The following ZMPSTE24 variants were observed in gnomAD, a reference collection of about 807,000 sequenced individuals.
ZMPSTE24 encodes zinc metallopeptidase STE24.
ZMPSTE24 carries 48 observed loss-of-function variants against 56.7 expected under a neutral mutation model. The ratio of observed to expected loss-of-function variants is 0.85; its 90% CI spans 0.67 to 1.08. The LOEUF is 1.08. Ranked by LOEUF, ZMPSTE24 falls within the 50% of genes least tolerant of loss-of-function variation. The pLI is 0.00. For missense variants in ZMPSTE24, 503 were observed against 548.7 expected (o/e 0.92, Z 0.83); for synonymous variants, 172 against 195.2 (o/e 0.88, Z 0.99).
chr1:40,286,061 G>C (rs762623453), intron 8 of ZMPSTE24, 32 bp downstream of exon 8: 1 of 1,567,244 alleles, frequency 6.4e-7, no homozygotes, highest in African/African-American at 1.4e-5. Flanking sequence ...TTTTTTTATG[G>C]CATGATAGTC....
chr1:40,284,906 T>C (rs1643770109), intron 7 of ZMPSTE24, among the ~76,000 whole-genome samples: 1 of 150,014 alleles, frequency 6.7e-6, no homozygotes, highest in Non-Finnish European at 1.5e-5. Flanking sequence ...CTAATCATTT[T>C]CCAATGTCAA....
intron 7 of ZMPSTE24, among the ~76,000 whole-genome samples, chr1:40,282,862 G>GAT (rs1366575166): frequency 6.6e-6 from 1 of 152,142 alleles, no homozygotes; most frequent in Non-Finnish European, 1.5e-5. Context: ...ATTGCCAGAT[G>GAT]TCCCCTAAAG....
chr1:40,281,606 C>A, intron 7 of ZMPSTE24, 79 bp downstream of exon 7: 1 of 1,436,878 alleles, frequency 7.0e-7, no homozygotes, highest in South Asian at 1.2e-5. Context: ...ACATCAATTT[C>A]TAGGCAGTGA....
intron 7 of ZMPSTE24, among the ~76,000 whole-genome samples, chr1:40,284,793 T>G (rs1643768277): frequency 6.6e-6 from 1 of 152,148 alleles, no homozygotes; most frequent in Non-Finnish European, 1.5e-5. Flanking sequence ...TGTATATACT[T>G]TCAGTCTACT....
In ZMPSTE24 at chr1:40,278,439, T is replaced by A. The variant is rs541192089; in HGVS notation, c.770-2904T>A. Among the ~76,000 whole-genome samples the A allele has an allele frequency of 3.8e-3, 569 of 150,488 alleles. 2 individuals carry two copies. The highest frequency in any genetic ancestry group is 5.5e-3 in the Non-Finnish European group (369 of 67,624). The stretch of plus-strand genomic sequence containing the variant: ...CGGGCGTGGTAGCGGGCGCCTGTAG[T>A]CCCAGCTACTCGGGAGGCTGAGGCA... On this transcript the variant is annotated intron_variant, in intron 6 of 9. Coordinates refer to ENST00000372759, the MANE Select transcript of ZMPSTE24 (RefSeq NM_005857.5).
chr1:40,278,822 A>G (rs570421663), intron 6 of ZMPSTE24, among the ~76,000 whole-genome samples: 1 of 152,248 alleles, frequency 6.6e-6, no homozygotes, highest in South Asian at 2.1e-4. Context: ...ATAAAAATCA[A>G]CCATAGTTCA....
Position 40,260,993 on chromosome 1 carries a change from A to G in ZMPSTE24, c.270+8A>G, listed in dbSNP as rs1557772521. Reference sequence around the variant, plus strand: ...TCAGAGACTGAAGGCACTGTGAGTAATTTACTTCTTGGAGAGACAGTCTGT... The same window carrying G: ...TCAGAGACTGAAGGCACTGTGAGTAGTTTACTTCTTGGAGAGACAGTCTGT... On this transcript the variant is annotated splice_region_variant and intron_variant, in intron 2 of 9. Coordinates refer to ENST00000372759, the MANE Select transcript of ZMPSTE24 (RefSeq NM_005857.5). 1 of 1,613,940 alleles carries G rather than the reference A, an allele frequency of 6.2e-7. No individual in the cohort carries two copies. Among genetic ancestry groups the G allele is most frequent in the African/African-American group, 1.3e-5 (1 of 74,914 alleles).
intron 9 of ZMPSTE24, 67 bp from the exon 10 acceptor site, chr1:40,292,378 C>G (rs964494095): frequency 3.4e-6 from 5 of 1,491,150 alleles, no homozygotes; most frequent in Admixed American, 1.7e-5. Context: ...ACAGTCTCAG[C>G]TCATGGAACC....
In ZMPSTE24 at chr1:40,281,418, C is replaced by T. The variant is rs1232186729; in HGVS notation, c.845C>T (p.Thr282Ile). Residue 282 changes from threonine to isoleucine, a missense_variant, in exon 7 of 10, where the codon ACT (threonine) becomes ATT (isoleucine). Physicochemically the swap from Thr to Ile is moderately conservative, Grantham distance 89. Transcript: ENST00000372759. ...FKNKRIVLFD[T>I]LLEEYSVLNK... The stretch of plus-strand genomic sequence containing the variant: ...AACAAGCGAATAGTTTTGTTTGACA[C>T]TCTACTAGAAGAGTACTCTGTACTA... The T allele has an allele frequency of 1.2e-6, 2 of 1,614,122 alleles. No homozygotes were observed. The highest frequency in any genetic ancestry group is 1.7e-6 in the Non-Finnish European group (2 of 1,180,004).
intron 6 of ZMPSTE24, among the ~76,000 whole-genome samples, chr1:40,280,030 A>C (rs978399649): frequency 6.6e-6 from 1 of 152,182 alleles, no homozygotes; most frequent in Non-Finnish European, 1.5e-5. Context: ...AAATAAGAGA[A>C]GACGACACTT....
chr1:40,267,957 C>T, intron 3 of ZMPSTE24, 85 bp downstream of exon 3: 1 of 1,232,932 alleles, frequency 8.1e-7, no homozygotes, highest in South Asian at 1.2e-5. Flanking sequence ...TTGGCTTCTG[C>T]CAATGTTAAG....
chr1:40,291,949 T>C (rs1643848395), intron 9 of ZMPSTE24, among the ~76,000 whole-genome samples: 1 of 151,406 alleles, frequency 6.6e-6, no homozygotes. Flanking sequence ...CAAGCAATTC[T>C]CCTGCCTCAG....
rs1643727492 is a variant in ZMPSTE24 at position 40,281,379 on chromosome 1, A to AT, written c.807dup (p.Gly270TrpfsTer12). On this transcript the variant is annotated frameshift_variant, in exon 7 of 10. Coordinates refer to ENST00000372759, the MANE Select transcript of ZMPSTE24 (RefSeq NM_005857.5). LOFTEE classifies it high-confidence loss of function. ...TCTTCCCACAGCAATGCTTATTTTT[A>AT]TGGCTTCTTCAAGAACAAGCGAATA... The AT allele has an allele frequency of 6.2e-7, 1 of 1,614,122 alleles. No individual in the cohort carries two copies. The highest frequency in any genetic ancestry group is 1.3e-5 in the African/African-American group (1 of 75,064).
intron 2 of ZMPSTE24, chr1:40,262,625 T>G (rs995450375): frequency 1.7e-5 from 3 of 180,946 alleles, no homozygotes; most frequent in African/African-American, 2.4e-5. Flanking sequence ...AAAAGAATTA[T>G]AGTAACTTTA....
intron 8 of ZMPSTE24, among the ~76,000 whole-genome samples, chr1:40,290,339 C>T (rs929666709): frequency 2.1e-4 from 31 of 149,702 alleles, no homozygotes; most frequent in Non-Finnish European, 2.5e-4. Context: ...GAGCCGAGAT[C>T]GTGCCACTGA....
At chr1:40,268,573 A>G (rs762153107) in intron 4 of ZMPSTE24, 38 bp downstream of exon 4, 2 of 1,353,166 alleles carry the variant, frequency 1.5e-6, no homozygotes, top group Middle Eastern at 1.8e-4. Context: ...TTTAAATGTG[A>G]AAAACTTCTG....
Position 40,292,809 on chromosome 1 carries a change from C to A in ZMPSTE24, c.*140C>A. The A allele has an allele frequency of 1.6e-6, 1 of 637,100 alleles. No individual in the cohort carries two copies. The highest frequency in any genetic ancestry group is 2.6e-6 in the Non-Finnish European group (1 of 378,294). The allele number at this position is 637,100 out of a possible 1,614,324, so 39.5% of individuals were successfully genotyped here. On this transcript the variant is annotated 3_prime_UTR_variant, in exon 10 of 10. Coordinates refer to ENST00000372759, the MANE Select transcript of ZMPSTE24 (RefSeq NM_005857.5). ...CCAGATTTAAATACATTTAATATGT[C>A]ATTTTAAAAATGATTTTAATAATTC...
chr1:40,278,571 A>AAAAAAAAAAG (rs1643695393), intron 6 of ZMPSTE24, among the ~76,000 whole-genome samples: 1 of 149,268 alleles, frequency 6.7e-6, no homozygotes, highest in Admixed American at 6.6e-5. Context: ...AAAAAAAAAA[A>AAAAAAAAAAG]AAAAAAAAAA....
intron 5 of ZMPSTE24, among the ~76,000 whole-genome samples, chr1:40,270,666 C>G (rs1643605310): frequency 6.6e-6 from 1 of 151,980 alleles, no homozygotes; most frequent in African/African-American, 2.4e-5. Flanking sequence ...CCTGTCTTCC[C>G]TTTTCTCCCC....
Sources: gnomAD v4.1 joint callset for allele counts (sites outside exome capture counted in the v4.1 genomes callset) on GRCh38, gnomAD v4.1.1 for gene constraint, MANE v1.5 for transcripts, NCBI Gene and HGNC (gene_info 2026-07-23, HGNC 2026-07-21) for gene names.